Variants in ACOXL observed in about 807,000 individuals in gnomAD.
The protein encoded by ACOXL is acyl-CoA oxidase like.
In ACOXL, 70 loss-of-function variants were observed where a neutral mutation model predicts 71.9. The ratio of observed to expected loss-of-function variants is 0.97; its 90% CI spans 0.80 to 1.19. The LOEUF is 1.19. Ranked by LOEUF, ACOXL falls within the 50% of genes most tolerant of loss-of-function variation. The probability of loss-of-function intolerance (pLI) is 0.00; values close to 1 mark genes in which losing one functional copy is unlikely to be tolerated. For synonymous variants in ACOXL, 253 were observed against 281.6 expected, an observed-to-expected ratio of 0.90 and a Z score of 1.02; for missense variants, 703 against 736.3, an observed-to-expected ratio of 0.95 and a Z score of 0.52.
At chr2:111,073,359 A>G (rs2149938449) in intron 16 of ACOXL, among the ~76,000 whole-genome samples, 1 of 152,226 alleles carries the variant, frequency 6.6e-6, no homozygotes, top group African/African-American at 2.4e-5. Flanking sequence ...GTTTTATCTC[A>G]TTATTTTTCT....
chr2:110,772,823 G>T (rs1028139643), intron 2 of ACOXL, among the ~76,000 whole-genome samples: 4 of 152,158 alleles, frequency 2.6e-5, no homozygotes, highest in African/African-American at 7.2e-5. Flanking sequence ...TGAGACACTG[G>T]ATATTCATCA....
chr2:110,763,679 G>T (rs971467159), intron 1 of ACOXL, among the ~76,000 whole-genome samples: 2 of 152,180 alleles, frequency 1.3e-5, no homozygotes, highest in African/African-American at 4.8e-5. Flanking sequence ...ATGAAAGAAA[G>T]AATTGGTAAA....
chr2:110,967,075 C>T (rs2061965570), intron 12 of ACOXL, among the ~76,000 whole-genome samples: 1 of 152,012 alleles, frequency 6.6e-6, no homozygotes. Context: ...CAAGAAGAAT[C>T]CAATGTTGGA....
At chr2:110,861,572 C>T (rs1216894144) in intron 10 of ACOXL, among the ~76,000 whole-genome samples, 8 of 151,474 alleles carry the variant, frequency 5.3e-5, no homozygotes, top group Non-Finnish European at 1.2e-4. Context: ...AATCTAACCC[C>T]GGCTATGTTG....
chr2:111,048,331 A>C (rs2066117576), intron 15 of ACOXL, among the ~76,000 whole-genome samples: 1 of 152,256 alleles, frequency 6.6e-6, no homozygotes. Context: ...GAGGGTAAAG[A>C]GTGAACGCAG....
chr2:110,955,697 G>A (rs141881688), intron 12 of ACOXL, among the ~76,000 whole-genome samples: 1 of 151,750 alleles, frequency 6.6e-6, no homozygotes, highest in East Asian at 1.9e-4. Flanking sequence ...TTCTTTCCAG[G>A]CCCTGGACAT....
At chr2:110,755,491 T>C (rs931834657) in intron 1 of ACOXL, among the ~76,000 whole-genome samples, 1 of 152,236 alleles carries the variant, frequency 6.6e-6, no homozygotes, top group South Asian at 2.1e-4. Context: ...ACTATGCATG[T>C]TGCTTAGGGG....
At chr2:111,093,059 T>C in intron 17 of ACOXL, 93 bp downstream of exon 17, 1 of 1,011,208 alleles carries the variant, frequency 9.9e-7, no homozygotes, top group Non-Finnish European at 1.5e-6. Flanking sequence ...TCTATCAGTT[T>C]CCACTCATGG....
In ACOXL at chr2:110,832,686, A is replaced by G. The variant is rs1191117423; in HGVS notation, c.754-8685A>G. Among the ~76,000 whole-genome samples the G allele has an allele frequency of 2.0e-5, 3 of 152,332 alleles. No homozygotes were observed. The South Asian group carries it at 6.2e-4, about 32-fold the overall frequency. ...TATTTACAAATCACATATCTGACAA[A>G]GGACTAGTATGTAGAATATGTTAAG... On this transcript the variant is annotated intron_variant, in intron 9 of 17. Coordinates refer to ENST00000439055, the MANE Select transcript of ACOXL (RefSeq NM_001142807.4).
chr2:111,022,600 C>T (rs974710104), intron 14 of ACOXL, among the ~76,000 whole-genome samples: 48 of 152,252 alleles, frequency 3.2e-4, no homozygotes, highest in African/African-American at 1.1e-3. Flanking sequence ...GCAATGGCAT[C>T]TGGAGGTGCT....
intron 15 of ACOXL, among the ~76,000 whole-genome samples, chr2:111,047,434 T>G (rs1351941750): frequency 2.0e-5 from 3 of 152,186 alleles, no homozygotes. Context: ...AATAGCCACC[T>G]TAAAAAGGTG....
chr2:111,114,676 A>G (rs1370600163), intron 17 of ACOXL, among the ~76,000 whole-genome samples: 1 of 152,064 alleles, frequency 6.6e-6, no homozygotes, highest in Non-Finnish European at 1.5e-5. Flanking sequence ...CTATTATAGG[A>G]CTAACACCAT....
chr2:111,003,732 C>A (rs759133056), intron 14 of ACOXL, among the ~76,000 whole-genome samples: 1 of 151,924 alleles, frequency 6.6e-6, no homozygotes, highest in African/African-American at 2.4e-5. Flanking sequence ...ACCTTGCACT[C>A]GTGTTAAATA....
At chr2:111,057,980 C>T (rs2066631100) in intron 16 of ACOXL, among the ~76,000 whole-genome samples, 1 of 144,968 alleles carries the variant, frequency 6.9e-6, no homozygotes, top group African/African-American at 2.6e-5. Flanking sequence ...TCTAGCACGG[C>T]TTGCGGGTGG....
chr2:110,751,161 C>T (rs1678904787), intron 1 of ACOXL, among the ~76,000 whole-genome samples: 1 of 151,976 alleles, frequency 6.6e-6, no homozygotes. Flanking sequence ...ATTAGCCAGG[C>T]ATTGTAGCGG....
intron 1 of ACOXL, among the ~76,000 whole-genome samples, chr2:110,765,013 A>G (rs1680874496): frequency 6.6e-6 from 1 of 152,136 alleles, no homozygotes; most frequent in Admixed American, 6.6e-5. Flanking sequence ...GATTTTTATT[A>G]TTCCTCTTCT....
At chr2:110,825,523 G>A (rs138259400) in intron 9 of ACOXL, among the ~76,000 whole-genome samples, 7 of 152,192 alleles carry the variant, frequency 4.6e-5, no homozygotes, top group South Asian at 4.1e-4. Flanking sequence ...AGAAGTGGAC[G>A]TCCTCCGGCT....
intron 10 of ACOXL, among the ~76,000 whole-genome samples, chr2:110,883,682 A>G (rs998103919): frequency 6.6e-5 from 10 of 152,138 alleles, no homozygotes; most frequent in African/African-American, 2.4e-4. Context: ...TCTAAGTGCT[A>G]TTTTATGTTT....
intron 17 of ACOXL, among the ~76,000 whole-genome samples, chr2:111,116,969 G>C (rs1388747878): frequency 6.6e-6 from 1 of 152,328 alleles, no homozygotes; most frequent in East Asian, 1.9e-4. Context: ...AAGGGCATCC[G>C]CGGCGTTCCT....
Sources: gnomAD v4.1 joint callset for allele counts (sites outside exome capture counted in the v4.1 genomes callset) on GRCh38, gnomAD v4.1.1 for gene constraint, MANE v1.5 for transcripts, NCBI Gene and HGNC (gene_info 2026-07-23, HGNC 2026-07-21) for gene names.